Variants in HMSD observed in about 807,000 individuals in gnomAD.
The protein encoded by HMSD is histocompatibility minor serpin domain containing, also known as serpin-like protein HMSD.
A neutral mutation model predicts 10.0 loss-of-function variants in HMSD; 13 were observed. The ratio of observed to expected loss-of-function variants is 1.31; its 90% CI spans 0.85 to 2.08. The LOEUF (loss-of-function observed/expected upper bound fraction) is 2.08. Among genes scored for constraint, HMSD ranks in the 30% most tolerant of loss-of-function variants. The pLI is 0.00. For synonymous variants in HMSD, 51 were observed against 54.2 expected, an observed-to-expected ratio of 0.94 and a Z score of 0.26; for missense variants, 169 against 166.3, an observed-to-expected ratio of 1.02 and a Z score of -0.09.
At chr18:63,956,849 A>T (rs1041250580) in intron 3 of HMSD, among the ~76,000 whole-genome samples, 3 of 152,218 alleles carry the variant, frequency 2.0e-5, no homozygotes, top group Admixed American at 6.5e-5. Context: ...AGACTGGATT[A>T]AAAAAATGTG....
downstream of HMSD, among the ~76,000 whole-genome samples, chr18:63,964,382 A>G (rs1475876744): frequency 2.0e-5 from 3 of 152,058 alleles, no homozygotes; most frequent in African/African-American, 7.2e-5. Context: ...GAAAACAAAA[A>G]CAAAAAAATT....
intron 1 of HMSD, among the ~76,000 whole-genome samples, chr18:63,949,631 G>T (rs367902859): frequency 1.3e-5 from 2 of 152,168 alleles, no homozygotes; most frequent in Admixed American, 1.3e-4. Flanking sequence ...GTCCAGGCGC[G>T]GGGAGGGGAG....
chr18:63,950,415 C>CAAA (rs562421091), intron 1 of HMSD, among the ~76,000 whole-genome samples: 973 of 39,006 alleles, frequency 0.025, 109 homozygotes, highest in East Asian at 0.21. Context: ...GACTCTCTCT[C>CAAA]AAAAAAAAAA....
chr18:63,951,641 TA>T (rs927785057), intron 1 of HMSD, among the ~76,000 whole-genome samples: 2 of 152,000 alleles, frequency 1.3e-5, no homozygotes, highest in Non-Finnish European at 2.9e-5. Context: ...AACAGACGTG[TA>T]AAAAAAGCAA....
At chr18:63,951,554 G>C (rs567674088) in intron 1 of HMSD, among the ~76,000 whole-genome samples, 70 of 152,326 alleles carry the variant, frequency 4.6e-4, no homozygotes, top group Middle Eastern at 3.4e-3. Flanking sequence ...AGAATATTTG[G>C]TGGGAGGGGA....
At chr18:63,954,862 T>A (rs1392515145) in intron 3 of HMSD, among the ~76,000 whole-genome samples, 3 of 152,244 alleles carry the variant, frequency 2.0e-5, no homozygotes, top group Non-Finnish European at 4.4e-5. Flanking sequence ...GTAATTGCTT[T>A]GCAGATATTT....
intron 3 of HMSD, among the ~76,000 whole-genome samples, chr18:63,958,781 T>C (rs911817876): frequency 1.3e-5 from 2 of 152,114 alleles, no homozygotes; most frequent in African/African-American, 2.4e-5. Flanking sequence ...ACATTGCAGA[T>C]TTACAACATT....
downstream of HMSD, among the ~76,000 whole-genome samples, chr18:63,962,563 G>T (rs150000513): frequency 2.6e-5 from 4 of 152,278 alleles, no homozygotes; most frequent in East Asian, 7.7e-4. Flanking sequence ...AGGTGCATCT[G>T]GGCGCTATGA....
At chr18:63,955,144 A>C (rs971637898) in intron 3 of HMSD, among the ~76,000 whole-genome samples, 5 of 152,196 alleles carry the variant, frequency 3.3e-5, no homozygotes, top group African/African-American at 1.2e-4. Flanking sequence ...GCTTTCATAG[A>C]TTTGATGTTT....
intron 3 of HMSD, among the ~76,000 whole-genome samples, chr18:63,956,748 G>C (rs915227028): frequency 6.6e-6 from 1 of 152,236 alleles, no homozygotes; most frequent in African/African-American, 2.4e-5. Context: ...TGAAGGAATA[G>C]AAATCATTCT....
At chr18:63,957,972 A>C (rs996419055) in intron 3 of HMSD, among the ~76,000 whole-genome samples, 2 of 152,198 alleles carry the variant, frequency 1.3e-5, no homozygotes, top group African/African-American at 4.8e-5. Context: ...AACACGTTTA[A>C]CAGATGGAAA....
Position 63,950,212 on chromosome 18 carries a change from C to T in HMSD, c.-103+812C>T, listed in dbSNP as rs557415162. Among the ~76,000 whole-genome samples the T allele has an allele frequency of 4.0e-5, 6 of 151,870 alleles. No individual in the cohort carries two copies. The South Asian group carries it at 1.2e-3, about 32-fold the overall frequency. ...GGGGCGGATCACGAGGTCAGGAGTTCGAGACCCAGCCTGGCCAATATGGTG... is the reference window on the plus strand; with the variant it reads ...GGGGCGGATCACGAGGTCAGGAGTTTGAGACCCAGCCTGGCCAATATGGTG... On this transcript the variant is annotated intron_variant, in intron 1 of 3. Coordinates refer to ENST00000408945, the MANE Select transcript of HMSD (RefSeq NM_001123366.2).
In HMSD at chr18:63,949,350, C is replaced by T. The variant is rs969348708; in HGVS notation, c.-153C>T. On this transcript the variant is annotated 5_prime_UTR_variant, in exon 1 of 4. Coordinates refer to ENST00000408945, the MANE Select transcript of HMSD (RefSeq NM_001123366.2). ...GCCGCTCAGACATCTCTATTCCCGC[C>T]TCTCCGACCCGGTCTCACTTCGCTC... 1 of 152,374 alleles carries T rather than the reference C, an allele frequency of 6.6e-6. No individual in the cohort carries two copies. Among genetic ancestry groups the T allele is most frequent in the East Asian group, 1.9e-4 (1 of 5,188 alleles). 9.4% of individuals were successfully genotyped at this position (152,374 alleles called of 1,614,324 possible). A position where few individuals can be genotyped will look rare whatever the true frequency, so the allele number is the denominator to read the frequency against.
At chr18:63,956,967 C>G (rs1599110171) in intron 3 of HMSD, among the ~76,000 whole-genome samples, 1 of 151,912 alleles carries the variant, frequency 6.6e-6, no homozygotes, top group Non-Finnish European at 1.5e-5. Flanking sequence ...CAAACTAATA[C>G]GGGAGTAGGA....
In HMSD at chr18:63,960,324, T is replaced by A. The variant is rs1033053318; in HGVS notation, c.389T>A (p.Ile130Lys). 6.3e-7 allele frequency: 1 copy of A among 1,594,596 alleles called. No individual in the cohort carries two copies. The highest frequency in any genetic ancestry group is 1.4e-5 in the African/African-American group (1 of 73,712). ...TTCGATAATATTTTAAACAGTTTTA[T>A]AGTCAGTTCTTTACAAAACTGTCAA... ...FYFDNILNSF[I>K]VSSLQNCQI Residue 130 changes from isoleucine to lysine, a missense_variant, in exon 4 of 4, where the codon ATA (isoleucine) becomes AAA (lysine). Ile to Lys is a moderately radical substitution (Grantham distance 102). Coordinates refer to ENST00000408945, the MANE Select transcript of HMSD (RefSeq NM_001123366.2).
intron 2 of HMSD, among the ~76,000 whole-genome samples, chr18:63,953,968 A>C (rs1215589574): frequency 6.6e-6 from 1 of 152,246 alleles, no homozygotes; most frequent in African/African-American, 2.4e-5. Context: ...CCAGTTCTGC[A>C]TTCTGCTGTT....
intron 3 of HMSD, among the ~76,000 whole-genome samples, chr18:63,959,770 A>G (rs745589582): frequency 1.3e-5 from 2 of 151,920 alleles, no homozygotes; most frequent in Non-Finnish European, 2.9e-5. Flanking sequence ...GGATTCATCT[A>G]TTTCTCCTTT....
At position 63,953,363 on chromosome 18, in the gene HMSD, C is replaced by A; in HGVS notation, c.-93C>A. On this transcript the variant is annotated 5_prime_UTR_variant, in exon 2 of 4. Coordinates refer to ENST00000408945, the MANE Select transcript of HMSD (RefSeq NM_001123366.2). Reference sequence around the variant, plus strand: ...AAATCCATTGTTTCAGGCTCACCGTCATGGATGCTCTATCAGAAGCAAATG... The same window carrying A: ...AAATCCATTGTTTCAGGCTCACCGTAATGGATGCTCTATCAGAAGCAAATG... 2.3e-6 allele frequency: 2 copies of A among 867,724 alleles called. No homozygotes were observed. Among genetic ancestry groups the A allele is most frequent in the Non-Finnish European group, 3.8e-6 (2 of 523,034 alleles). 53.8% of individuals were successfully genotyped at this position (867,724 alleles called of 1,614,324 possible).
At chr18:63,955,257 A>G (rs770461998) in intron 3 of HMSD, among the ~76,000 whole-genome samples, 7 of 152,190 alleles carry the variant, frequency 4.6e-5, no homozygotes, top group Non-Finnish European at 7.3e-5. Flanking sequence ...CCTTAAAAAT[A>G]TGTCCTAAAT....
Sources: allele counts gnomAD v4.1 joint callset (sites outside exome capture counted in the v4.1 genomes callset), GRCh38; gene constraint gnomAD v4.1.1; transcripts MANE v1.5; gene names NCBI Gene and HGNC (gene_info 2026-07-23, HGNC 2026-07-21).